FMN2: variants seen among roughly 807,000 people sequenced by gnomAD.
The protein encoded by FMN2 is formin-2.
FMN2 carries 51 observed loss-of-function variants against 142.3 expected under a neutral mutation model. The ratio of observed to expected loss-of-function variants is 0.36; its 90% CI spans 0.29 to 0.45. The LOEUF (loss-of-function observed/expected upper bound fraction) is 0.45, where lower values mean the gene tolerates loss of function less well. Among genes scored for constraint, FMN2 ranks in the 20% least tolerant of loss-of-function variants. The probability of loss-of-function intolerance (pLI) is 1.00; values close to 1 mark genes in which losing one functional copy is unlikely to be tolerated. For missense variants in FMN2, 1,936 were observed against 2,122.8 expected, an observed-to-expected ratio of 0.91 and a Z score of 1.73; for synonymous variants, 882 against 869.8, an observed-to-expected ratio of 1.01 and a Z score of -0.25.
intron 6 of FMN2, among the ~76,000 whole-genome samples, chr1:240,246,576 CAGA>C (rs769600032): frequency 6.6e-5 from 10 of 152,112 alleles, no homozygotes; most frequent in African/African-American, 1.7e-4. Flanking sequence ...ATCTGTGCAC[CAGA>C]AGAACTGGCA....
At chr1:240,295,807 G>A (rs750467113) in intron 8 of FMN2, among the ~76,000 whole-genome samples, 10 of 152,136 alleles carry the variant, frequency 6.6e-5, no homozygotes, top group Non-Finnish European at 1.3e-4. Flanking sequence ...TCATATGGTA[G>A]TTCTGTCTTT....
intron 6 of FMN2, among the ~76,000 whole-genome samples, chr1:240,213,425 T>C (rs751392652): frequency 1.9e-4 from 29 of 152,300 alleles, no homozygotes; most frequent in Admixed American, 3.3e-4. Flanking sequence ...TTTAAATGTA[T>C]GTTAGAGAAA....
At chr1:240,381,945 T>A (rs2103082858) in intron 14 of FMN2, among the ~76,000 whole-genome samples, 1 of 152,202 alleles carries the variant, frequency 6.6e-6, no homozygotes, top group South Asian at 2.1e-4. Flanking sequence ...CCACTCCTAA[T>A]CAACATAGTG....
rs755491434 is a variant in FMN2 at position 240,092,793 on chromosome 1, C to T, written c.684C>T (p.Gly228=). The T allele has an allele frequency of 6.3e-7, 1 of 1,595,252 alleles. No individual in the cohort carries two copies. The highest frequency in any genetic ancestry group is 2.3e-5 in the East Asian group (1 of 44,112). ...AGCAGCAGCAGCAGCAGCTCCAGGG[C>T]GCCGAGGAGCCTGCAGCGCCCCCCA... ...QQQQQQQQLQ[G]AEEPAAPPTA... Residue 228 remains glycine (G), a synonymous_variant, in exon 1 of 18, where the codon GGC becomes GGT. Coordinates refer to ENST00000319653, the MANE Select transcript of FMN2 (RefSeq NM_020066.5).
intron 8 of FMN2, among the ~76,000 whole-genome samples, chr1:240,299,140 G>A (rs1320957521): frequency 1.3e-5 from 2 of 151,998 alleles, no homozygotes; most frequent in Non-Finnish European, 2.9e-5. Context: ...GAGAGACTGG[G>A]TTTTGCCATG....
intron 2 of FMN2, among the ~76,000 whole-genome samples, chr1:240,145,568 G>A (rs1663423806): frequency 1.8e-5 from 2 of 108,140 alleles, no homozygotes; most frequent in Admixed American, 1.4e-4. Context: ...TTGAGACAGG[G>A]TCTTGCTCTG....
chr1:240,166,523 C>T (rs1410557129), intron 2 of FMN2, among the ~76,000 whole-genome samples: 1 of 152,142 alleles, frequency 6.6e-6, no homozygotes, highest in Non-Finnish European at 1.5e-5. Flanking sequence ...AGCCACTGCA[C>T]CCAGCCTCGT....
intron 7 of FMN2, among the ~76,000 whole-genome samples, chr1:240,270,515 C>A (rs1572138863): frequency 6.6e-6 from 1 of 151,992 alleles, no homozygotes; most frequent in East Asian, 1.9e-4. Flanking sequence ...TGCAACAGCA[C>A]CTCATTGGCT....
intron 14 of FMN2, among the ~76,000 whole-genome samples, chr1:240,384,985 AAACTATGTAATATTT>A (rs2103086883): frequency 6.6e-6 from 1 of 152,302 alleles, no homozygotes; most frequent in South Asian, 2.1e-4. Flanking sequence ...TTAAAGGAAA[AAACTATGTAATATTT>A]ACCTGCATAT....
At chr1:240,316,386 A>G (rs997989618) in intron 8 of FMN2, among the ~76,000 whole-genome samples, 1 of 152,174 alleles carries the variant, frequency 6.6e-6, no homozygotes, top group Non-Finnish European at 1.5e-5. Flanking sequence ...GCATGGATGT[A>G]AAAATCTATA....
chr1:240,330,552 A>C, intron 10 of FMN2, 51 bp from the exon 11 acceptor site: 1 of 1,584,148 alleles, frequency 6.3e-7, no homozygotes, highest in Non-Finnish European at 8.5e-7. Flanking sequence ...TGATTCAAAC[A>C]AAACCTGGTA....
At chr1:240,393,097 C>T (rs893231391) in intron 15 of FMN2, among the ~76,000 whole-genome samples, 1 of 151,484 alleles carries the variant, frequency 6.6e-6, no homozygotes, top group Non-Finnish European at 1.5e-5. Context: ...ACTGGCGATA[C>T]AGATATAAAC....
At chr1:240,221,736 A>G in intron 6 of FMN2, among the ~76,000 whole-genome samples, 1 of 151,442 alleles carries the variant, frequency 6.6e-6, no homozygotes, top group East Asian at 1.9e-4. Flanking sequence ...CTCTTTAATT[A>G]GATCCCGTTT....
chr1:240,207,583 C>T lies in FMN2; in HGVS notation c.2771C>T (p.Pro924Leu), dbSNP rs576376829. Residue 924 changes from proline to leucine, a missense_variant, in exon 5 of 18, where the codon CCG becomes CTG. Pro to Leu is a moderately conservative substitution (Grantham distance 98, BLOSUM62 -3). Around this residue, in one of 8 missense-constraint regions of FMN2, gnomAD observed 478 missense variants for 462.8 expected, o/e 1.03. Transcript: ENST00000319653. ...PLPGAGIPPP[P>L]PLPGAGILPL... Reference sequence around the variant, plus strand: ...CCCGGAGCGGGCATACCTCCTCCGCCGCCTCTACCCGGAGCAGGCATACTC... The same window carrying T: ...CCCGGAGCGGGCATACCTCCTCCGCTGCCTCTACCCGGAGCAGGCATACTC... 4.4e-6 allele frequency: 7 copies of T among 1,593,946 alleles called. No homozygotes were observed. The highest frequency in any genetic ancestry group is 3.4e-5 in the South Asian group (3 of 87,372).
chr1:240,310,859 T>G (rs1352676642), intron 8 of FMN2, among the ~76,000 whole-genome samples: 2 of 152,172 alleles, frequency 1.3e-5, no homozygotes, highest in Non-Finnish European at 2.9e-5. Flanking sequence ...GTTAAAATAT[T>G]CATGTATAAC....
intron 2 of FMN2, among the ~76,000 whole-genome samples, chr1:240,133,696 C>G (rs1662829359): frequency 6.6e-6 from 1 of 152,094 alleles, no homozygotes; most frequent in Non-Finnish European, 1.5e-5. Flanking sequence ...ACTATTATTT[C>G]CCAGTTAGCC....
At chr1:240,421,450 T>C (rs1037980852) in intron 15 of FMN2, among the ~76,000 whole-genome samples, 5 of 152,208 alleles carry the variant, frequency 3.3e-5, no homozygotes, top group Non-Finnish European at 7.3e-5. Context: ...TTTAGGTCTG[T>C]CTGTTTTATT....
At chr1:240,419,018 G>C (rs1674675874) in intron 15 of FMN2, among the ~76,000 whole-genome samples, 1 of 152,212 alleles carries the variant, frequency 6.6e-6, no homozygotes, top group Non-Finnish European at 1.5e-5. Flanking sequence ...TGAGGCAGGA[G>C]AACTGCTTGA....
intron 15 of FMN2, among the ~76,000 whole-genome samples, chr1:240,393,105 AAC>A (rs139514088): frequency 3.9e-5 from 6 of 152,034 alleles, no homozygotes; most frequent in Non-Finnish European, 7.4e-5. Flanking sequence ...TACAGATATA[AAC>A]ACACACACAC....
Sources: allele counts gnomAD v4.1 joint callset (sites outside exome capture counted in the v4.1 genomes callset), GRCh38; gene constraint gnomAD v4.1.1; regional missense constraint gnomAD v4.1.1; transcripts MANE v1.5; gene names NCBI Gene and HGNC (gene_info 2026-07-23, HGNC 2026-07-21).